The following RGS8 variants were observed in gnomAD, a reference collection of about 807,000 sequenced individuals.
RGS8 encodes the protein regulator of G protein signaling 8.
Under a neutral mutation model 21.7 loss-of-function variants are expected in RGS8, and 8 were observed. That is an observed-to-expected ratio of 0.37 (90% CI 0.22 to 0.66). The LOEUF (loss-of-function observed/expected upper bound fraction) is 0.66. Among genes scored for constraint, RGS8 ranks in the 30% least tolerant of loss-of-function variants. The pLI is 0.59. For missense variants in RGS8, 157 were observed against 217.9 expected (o/e 0.72, Z 1.76); for synonymous variants, 80 against 83.6 (o/e 0.96, Z 0.24).
At chr1:182,693,001 A>G in the RGS8 span, among the ~76,000 whole-genome samples, 1 of 152,372 alleles carries the variant, frequency 6.6e-6, no homozygotes, top group African/African-American at 2.4e-5. Context: ...AGACTTAAAT[A>G]TAAAACCTAA....
the RGS8 span, among the ~76,000 whole-genome samples, chr1:182,718,272 A>T: frequency 2.6e-5 from 4 of 152,360 alleles, no homozygotes; most frequent in South Asian, 8.3e-4. Context: ...ACAGACTTAC[A>T]TCTGAGTCCT....
intron 5 of RGS8, among the ~76,000 whole-genome samples, chr1:182,664,634 T>C (rs951339310): frequency 6.6e-6 from 1 of 152,252 alleles, no homozygotes; most frequent in Non-Finnish European, 1.5e-5. Flanking sequence ...ATCCTAAATA[T>C]TATTATACAT....
chr1:182,705,114 T>C, the RGS8 span, among the ~76,000 whole-genome samples: 1 of 152,200 alleles, frequency 6.6e-6, no homozygotes, highest in African/African-American at 2.4e-5. Context: ...TACATATAGA[T>C]ATATAAAAAT....
the RGS8 span, among the ~76,000 whole-genome samples, chr1:182,747,959 T>C: frequency 1.4e-4 from 22 of 152,338 alleles, no homozygotes; most frequent in African/African-American, 5.3e-4. Flanking sequence ...TTTGAGTATG[T>C]TTTATGCTTT....
the RGS8 span, among the ~76,000 whole-genome samples, chr1:182,742,894 A>G: frequency 6.6e-6 from 1 of 152,248 alleles, no homozygotes; most frequent in African/African-American, 2.4e-5. Flanking sequence ...ATCAAACTGT[A>G]ACAATCAGGG....
At chr1:182,643,322 A>ACCC (rs1557876791), downstream of RGS8, 1 of 22,362 alleles carries the variant, frequency 4.5e-5, no homozygotes, top group African/African-American at 1.9e-4. Context: ...CCCCTCCCCC[A>ACCC]GCCCCCCCGC....
At chr1:182,726,514 T>C in the RGS8 span, among the ~76,000 whole-genome samples, 1 of 151,924 alleles carries the variant, frequency 6.6e-6, no homozygotes, top group Admixed American at 6.6e-5. Context: ...TTACTGAAAA[T>C]ACAAAATTAG....
chr1:182,645,646 G>A (rs953063798), downstream of RGS8: 8 of 152,218 alleles, frequency 5.3e-5, no homozygotes, highest in Non-Finnish European at 1.0e-4. Flanking sequence ...GTATCCAAGA[G>A]AGAGATCTTT....
At chr1:182,737,315 T>G in the RGS8 span, among the ~76,000 whole-genome samples, 1 of 151,990 alleles carries the variant, frequency 6.6e-6, no homozygotes, top group Non-Finnish European at 1.5e-5. Context: ...TATAATAAAT[T>G]TTATGTGTAT....
upstream of RGS8, chr1:182,672,854 G>T (rs768446615): frequency 6.2e-7 from 1 of 1,613,874 alleles, no homozygotes; most frequent in Admixed American, 1.7e-5. Flanking sequence ...TTCAGTTCCA[G>T]AAGGAGGACT....
At chr1:182,699,551 A>G in the RGS8 span, among the ~76,000 whole-genome samples, 6 of 152,226 alleles carry the variant, frequency 3.9e-5, no homozygotes, top group Non-Finnish European at 8.8e-5. Context: ...AACAGGCTAG[A>G]CACGTGCCAC....
the RGS8 span, among the ~76,000 whole-genome samples, chr1:182,697,880 T>C: frequency 6.6e-6 from 1 of 152,220 alleles, no homozygotes; most frequent in Non-Finnish European, 1.5e-5. Flanking sequence ...TCGTTGCAAA[T>C]GCCAATTGAG....
upstream of RGS8, chr1:182,684,606 TG>T (rs965002181): frequency 1.4e-5 from 2 of 146,374 alleles, no homozygotes; most frequent in Admixed American, 6.8e-5. This position sits in a 1 kb window ranked among gnomAD's most constrained non-coding sequence, Gnocchi z 4.2. Context: ...GGGGAGGGGG[TG>T]GGGAAGCAGA....
the RGS8 span, among the ~76,000 whole-genome samples, chr1:182,726,425 C>T: frequency 6.6e-6 from 1 of 152,150 alleles, no homozygotes; most frequent in Non-Finnish European, 1.5e-5. Flanking sequence ...AATCCCAGTA[C>T]TTTGGGAGGC....
the RGS8 span, among the ~76,000 whole-genome samples, chr1:182,707,116 C>G: frequency 6.6e-6 from 1 of 152,030 alleles, no homozygotes; most frequent in Non-Finnish European, 1.5e-5. Flanking sequence ...CGAGATCGCA[C>G]CACTGCACTC....
chr1:182,649,308 G>A (rs1170719245), intron 5 of RGS8, among the ~76,000 whole-genome samples: 1 of 152,026 alleles, frequency 6.6e-6, no homozygotes, highest in East Asian at 1.9e-4. Context: ...TGAACTAGAG[G>A]GAAGTGTGAA....
chr1:182,694,144 A>G, the RGS8 span, among the ~76,000 whole-genome samples: 1 of 152,194 alleles, frequency 6.6e-6, no homozygotes, highest in Non-Finnish European at 1.5e-5. Context: ...AAAGAAAAAA[A>G]AAAAAGAAAG....
Position 182,653,973 on chromosome 1 carries a change from C to T in RGS8, c.194-5670G>A, listed in dbSNP as rs114885286. Among the ~76,000 whole-genome samples the T allele has an allele frequency of 2.6e-5, 4 of 151,990 alleles. No homozygotes were observed. The East Asian group carries it at 5.9e-4, about 22-fold the overall frequency. On this transcript the variant is annotated intron_variant, in intron 5 of 6. Coordinates refer to ENST00000483095, the Ensembl canonical transcript of RGS8. The stretch of plus-strand genomic sequence containing the variant: ...TAGGAAAGGTAGGGTGTTGTTTTTA[C>T]TTATTTATTTAGGATGCGGGGCAAG...
chr1:182,689,409 T>C (rs1371130405), upstream of RGS8, among the ~76,000 whole-genome samples: 1 of 152,180 alleles, frequency 6.6e-6, no homozygotes, highest in Non-Finnish European at 1.5e-5. Context: ...TCTCTCTGAT[T>C]GATTAGCTAC....
Sources: gnomAD v4.1 joint callset for allele counts (sites outside exome capture counted in the v4.1 genomes callset) on GRCh38, gnomAD v4.1.1 for gene constraint, Gnocchi (gnomAD v3.1) non-coding constraint, MANE v1.5 for transcripts, NCBI Gene and HGNC (gene_info 2026-07-23, HGNC 2026-07-21) for gene names.